DPYD: variants seen among roughly 807,000 people sequenced by gnomAD.
DPYD encodes dihydropyrimidine dehydrogenase [NADP(+)].
A neutral mutation model predicts 116.2 loss-of-function variants in DPYD; 109 were observed. The observed-to-expected ratio is 0.94, with a 90% CI of 0.80 to 1.10. The LOEUF is 1.10. Among genes scored for constraint, DPYD ranks in the 50% least tolerant of loss-of-function variants. The pLI is 0.00. For missense variants in DPYD, 1,302 were observed against 1,254.5 expected (o/e 1.04, Z -0.57); for synonymous variants, 440 against 432.0 (o/e 1.02, Z -0.23).
chr1:97,506,565 T>C (rs2101947052), intron 13 of DPYD, among the ~76,000 whole-genome samples: 1 of 152,030 alleles, frequency 6.6e-6, no homozygotes, highest in Non-Finnish European at 1.5e-5. Context: ...GAATAAGAGG[T>C]ACTTTCCATT....
chr1:97,879,464 C>A (rs1338003293), intron 2 of DPYD, among the ~76,000 whole-genome samples: 2 of 151,622 alleles, frequency 1.3e-5, no homozygotes, highest in Non-Finnish European at 2.9e-5. Flanking sequence ...AAAATGAGTG[C>A]AAAATATTTA....
intron 18 of DPYD, among the ~76,000 whole-genome samples, chr1:97,285,709 G>T (rs1241213014): frequency 1.4e-5 from 2 of 148,048 alleles, no homozygotes; most frequent in African/African-American, 2.5e-5. Flanking sequence ...TTTGAGACAG[G>T]GTCTCTTTCT....
intron 20 of DPYD, among the ~76,000 whole-genome samples, chr1:97,188,137 G>C (rs908357977): frequency 1.3e-5 from 2 of 151,972 alleles, no homozygotes; most frequent in African/African-American, 4.8e-5. Context: ...ATACAATTTT[G>C]GTTTCTATTA....
rs372278236 is a variant in DPYD at position 97,914,498 on chromosome 1, A to C, written c.39+6386T>G. Among the ~76,000 whole-genome samples, 7 of 152,260 alleles carry C rather than the reference A, an allele frequency of 4.6e-5. No individual in the cohort carries two copies. In the East Asian group the frequency reaches 9.7e-4, roughly 21 times the overall value. The stretch of plus-strand genomic sequence containing the variant: ...ATGAGAATGCCAAAAAATAATTTTC[A>C]CCTATGCATTAGCCCTGATCTAGTC... On this transcript the variant is annotated intron_variant, in intron 1 of 22. Transcript: ENST00000370192.
rs1304294757 is a variant in DPYD at position 97,880,801 on chromosome 1, A to C, written c.150+2463T>G. On this transcript the variant is annotated intron_variant, in intron 2 of 22. Coordinates refer to ENST00000370192, the MANE Select transcript of DPYD (RefSeq NM_000110.4). The stretch of plus-strand genomic sequence containing the variant: ...AGTGTACACAATCACTATTGAATAC[A>C]GTGATGTTAAATCCTTTTTCCATGT... 2.4e-4 allele frequency among the ~76,000 whole-genome samples: 36 copies of C among 152,002 alleles called. 1 individual carries two copies. The highest frequency in any genetic ancestry group is 2.4e-3 in the Admixed American group (36 of 15,216).
At chr1:97,639,335 G>A (rs1657748131) in intron 8 of DPYD, among the ~76,000 whole-genome samples, 1 of 152,024 alleles carries the variant, frequency 6.6e-6, no homozygotes, top group Admixed American at 6.6e-5. Flanking sequence ...AAATATGTGT[G>A]TGTACTAAAT....
chr1:97,905,703 C>T (rs1437496809), intron 1 of DPYD, among the ~76,000 whole-genome samples: 4 of 152,006 alleles, frequency 2.6e-5, no homozygotes, highest in Non-Finnish European at 5.9e-5. Context: ...TTCATTTACA[C>T]ATGTGAAGGA....
At chr1:97,404,865 A>G (rs1353233886) in intron 14 of DPYD, among the ~76,000 whole-genome samples, 1 of 151,212 alleles carries the variant, frequency 6.6e-6, no homozygotes, top group Non-Finnish European at 1.5e-5. Context: ...TTTGTCTTCT[A>G]TACTGTTTCC....
chr1:97,240,925 T>C (rs377438860), intron 18 of DPYD, among the ~76,000 whole-genome samples: 2 of 152,096 alleles, frequency 1.3e-5, no homozygotes, highest in East Asian at 1.9e-4. Context: ...TCTGAGAATA[T>C]TTGCATAATT....
intron 16 of DPYD, among the ~76,000 whole-genome samples, chr1:97,323,378 A>ATATGTACACGTATGTATACATATGTG (rs1668456982): frequency 1.9e-5 from 2 of 107,138 alleles, no homozygotes; most frequent in African/African-American, 5.9e-5. Context: ...ATACATGTGT[A>ATATGTACACGTATGTATACATATGTG]TATGTACACG....
intron 18 of DPYD, among the ~76,000 whole-genome samples, chr1:97,262,805 G>T (rs1459939725): frequency 1.3e-5 from 2 of 151,984 alleles, no homozygotes; most frequent in African/African-American, 4.8e-5. Flanking sequence ...GATCCATGCT[G>T]GGAGAGAAAA....
At chr1:97,661,056 T>C (rs1266245971) in intron 8 of DPYD, among the ~76,000 whole-genome samples, 1 of 152,182 alleles carries the variant, frequency 6.6e-6, no homozygotes, top group Non-Finnish European at 1.5e-5. Flanking sequence ...TTGTATGAGG[T>C]ACCATGGAAG....
At chr1:97,725,005 A>T (rs1052157972) in intron 4 of DPYD, among the ~76,000 whole-genome samples, 1 of 147,634 alleles carries the variant, frequency 6.8e-6, no homozygotes, top group Non-Finnish European at 1.5e-5. Flanking sequence ...CAGATTGGAA[A>T]GGGAAAAATT....
At chr1:97,754,404 G>A (rs1665115719) in intron 3 of DPYD, among the ~76,000 whole-genome samples, 1 of 152,124 alleles carries the variant, frequency 6.6e-6, no homozygotes. Flanking sequence ...ATATAGTTTT[G>A]TAAAAATGGA....
intron 3 of DPYD, among the ~76,000 whole-genome samples, chr1:97,827,100 T>G (rs544896596): frequency 6.6e-6 from 1 of 152,188 alleles, no homozygotes; most frequent in East Asian, 1.9e-4. Flanking sequence ...AAAGGAAGGT[T>G]ACTAAATGAG....
intron 13 of DPYD, among the ~76,000 whole-genome samples, chr1:97,470,913 C>T (rs749531020): frequency 3.0e-4 from 45 of 152,084 alleles, no homozygotes; most frequent in Non-Finnish European, 1.0e-4. Context: ...TAGCTTGAAC[C>T]CAGGAGGCGG....
At chr1:97,516,447 A>T (rs569918299) in intron 12 of DPYD, among the ~76,000 whole-genome samples, 5 of 151,964 alleles carry the variant, frequency 3.3e-5, no homozygotes, top group Non-Finnish European at 4.4e-5. Flanking sequence ...CTGCTTGCCT[A>T]ATTTCTACCT....
chr1:97,643,786 A>T (rs1405979568), intron 8 of DPYD, among the ~76,000 whole-genome samples: 1 of 152,192 alleles, frequency 6.6e-6, no homozygotes, highest in East Asian at 1.9e-4. Flanking sequence ...CTTTGCAGGG[A>T]CATGGATGAA....
chr1:97,370,023 T>C (rs377183400), intron 16 of DPYD, among the ~76,000 whole-genome samples: 29 of 152,312 alleles, frequency 1.9e-4, no homozygotes, highest in African/African-American at 5.1e-4. Flanking sequence ...CACTGTATCA[T>C]TGATGGGCAT....
Sources: gnomAD v4.1 joint callset for allele counts (sites outside exome capture counted in the v4.1 genomes callset) on GRCh38, gnomAD v4.1.1 for gene constraint, MANE v1.5 for transcripts, NCBI Gene and HGNC (gene_info 2026-07-23, HGNC 2026-07-21) for gene names.